Variants in SUGCT observed in about 807,000 individuals in gnomAD.
The protein encoded by SUGCT is succinyl-CoA:glutarate-CoA transferase.
A neutral mutation model predicts 55.0 loss-of-function variants in SUGCT; 41 were observed. The ratio of observed to expected loss-of-function variants is 0.74; its 90% CI spans 0.58 to 0.97. The LOEUF (loss-of-function observed/expected upper bound fraction) is 0.97, where lower values mean the gene tolerates loss of function less well. SUGCT is among the 50% of genes least tolerant of loss of function. SUGCT has a pLI of 0.00. For missense variants in SUGCT, 568 were observed against 547.8 expected, an observed-to-expected ratio of 1.04 and a Z score of -0.37; for synonymous variants, 187 against 200.4, an observed-to-expected ratio of 0.93 and a Z score of 0.56.
intron 9 of SUGCT, among the ~76,000 whole-genome samples, chr7:40,365,107 T>C (rs998064699): frequency 3.9e-5 from 6 of 152,144 alleles, no homozygotes; most frequent in Admixed American, 3.9e-4. Context: ...GCTGGTTCAG[T>C]ATATGCAAAT....
intron 12 of SUGCT, among the ~76,000 whole-genome samples, chr7:40,638,789 G>T (rs996959476): frequency 1.3e-5 from 2 of 152,112 alleles, no homozygotes; most frequent in African/African-American, 2.4e-5. Flanking sequence ...GGATAAACAG[G>T]TCATGACTGG....
intron 12 of SUGCT, among the ~76,000 whole-genome samples, chr7:40,731,443 A>T (rs980567840): frequency 6.6e-6 from 1 of 152,172 alleles, no homozygotes; most frequent in Non-Finnish European, 1.5e-5. Context: ...AGGTTTTGGA[A>T]TATTCTTATT....
At chr7:40,269,812 T>C (rs1791884257) in intron 7 of SUGCT, among the ~76,000 whole-genome samples, 1 of 152,184 alleles carries the variant, frequency 6.6e-6, no homozygotes, top group African/African-American at 2.4e-5. Context: ...TTAGGTCATT[T>C]TTCTTGTTAT....
intron 12 of SUGCT, among the ~76,000 whole-genome samples, chr7:40,732,765 A>G (rs1786961997): frequency 6.6e-6 from 1 of 152,276 alleles, no homozygotes; most frequent in African/African-American, 2.4e-5. Context: ...GTGACTATCC[A>G]TGCTGAAACA....
At chr7:41,016,353 A>C in the SUGCT span, among the ~76,000 whole-genome samples, 2 of 152,212 alleles carry the variant, frequency 1.3e-5, no homozygotes, top group Non-Finnish European at 2.9e-5. Context: ...GAAATGTATT[A>C]TTTTGTATTG....
At chr7:40,906,849 A>T in the SUGCT span, among the ~76,000 whole-genome samples, 1 of 152,162 alleles carries the variant, frequency 6.6e-6, no homozygotes, top group South Asian at 2.1e-4. Context: ...CTGCATAGGA[A>T]ATAGATGGGA....
intron 8 of SUGCT, among the ~76,000 whole-genome samples, chr7:40,304,600 C>T (rs1208228127): frequency 6.6e-6 from 1 of 151,368 alleles, no homozygotes; most frequent in Non-Finnish European, 1.5e-5. Context: ...CCACCCTTTC[C>T]TGCAAGTCCC....
At chr7:40,711,149 C>T (rs1274567548) in intron 12 of SUGCT, among the ~76,000 whole-genome samples, 1 of 152,214 alleles carries the variant, frequency 6.6e-6, no homozygotes, top group Admixed American at 6.5e-5. Flanking sequence ...GGAGAAGTGA[C>T]CACTGCGCTG....
intron 8 of SUGCT, among the ~76,000 whole-genome samples, chr7:40,282,269 A>T (rs903949127): frequency 5.3e-5 from 8 of 151,966 alleles, no homozygotes; most frequent in Admixed American, 3.3e-4. Flanking sequence ...GAAGTTTGAG[A>T]CCAGCCTGGC....
chr7:40,392,320 C>T (rs1785481527), intron 9 of SUGCT, among the ~76,000 whole-genome samples: 1 of 151,866 alleles, frequency 6.6e-6, no homozygotes, highest in Non-Finnish European at 1.5e-5. Context: ...AGTCATAATA[C>T]AAATTAGATA....
Position 40,195,034 on chromosome 7 carries a change from C to T in SUGCT, c.458C>T (p.Pro153Leu). ...TATGAAGATATAGACGAGATTGCTC[C>T]TCACATCATCTATTGTTCCATCACA... ...LGYEDIDEIA[P>L]HIIYCSITGY... is the part of the protein sequence containing the mutation. Residue 153 changes from proline (P) to leucine (L), a missense_variant, in exon 6 of 14, where the codon CCT becomes CTT. Coordinates refer to ENST00000335693, the MANE Select transcript of SUGCT (RefSeq NM_001193313.2). The T allele has an allele frequency of 5.0e-6, 8 of 1,613,640 alleles. No homozygotes were observed. The highest frequency in any genetic ancestry group is 6.8e-6 in the Non-Finnish European group (8 of 1,179,742).
At chr7:40,490,175 C>T (rs900593212) in intron 11 of SUGCT, among the ~76,000 whole-genome samples, 3 of 152,136 alleles carry the variant, frequency 2.0e-5, no homozygotes, top group Non-Finnish European at 2.9e-5. Context: ...GGAGGCTGTT[C>T]GTGGGTTCAA....
chr7:41,023,952 G>A, the SUGCT span, among the ~76,000 whole-genome samples: 2 of 152,106 alleles, frequency 1.3e-5, no homozygotes, highest in African/African-American at 4.8e-5. Context: ...AAATACAAAG[G>A]TGAACTTCCC....
intron 13 of SUGCT, among the ~76,000 whole-genome samples, chr7:40,751,718 T>G (rs1035345325): frequency 6.6e-6 from 1 of 152,160 alleles, no homozygotes; most frequent in African/African-American, 2.4e-5. Flanking sequence ...GAACCAGTGA[T>G]CACTTAACCC....
At chr7:40,533,532 A>G (rs1427411097) in intron 12 of SUGCT, among the ~76,000 whole-genome samples, 1 of 152,112 alleles carries the variant, frequency 6.6e-6, no homozygotes, top group East Asian at 1.9e-4. Context: ...ATTGCAAAGA[A>G]ATTTTGAAAT....
the SUGCT span, among the ~76,000 whole-genome samples, chr7:40,880,648 A>C: frequency 1.3e-5 from 2 of 152,188 alleles, no homozygotes; most frequent in Admixed American, 6.5e-5. Context: ...ACTGAGTAAA[A>C]TTTCATTGGA....
At chr7:40,285,477 G>T (rs1793268567) in intron 8 of SUGCT, among the ~76,000 whole-genome samples, 2 of 120,264 alleles carry the variant, frequency 1.7e-5, no homozygotes, top group African/African-American at 3.6e-5. Flanking sequence ...ATTTATTCTT[G>T]TTTTTTTCTT....
chr7:40,710,127 A>C (rs962818487), intron 12 of SUGCT, among the ~76,000 whole-genome samples: 1 of 152,204 alleles, frequency 6.6e-6, no homozygotes, highest in African/African-American at 2.4e-5. Context: ...GAATTCCTAG[A>C]TATTGCTCCT....
intron 13 of SUGCT, among the ~76,000 whole-genome samples, chr7:40,781,279 G>T (rs1789731696): frequency 6.6e-6 from 1 of 152,050 alleles, no homozygotes; most frequent in South Asian, 2.1e-4. Flanking sequence ...CATTCCCTTG[G>T]AATTAAAAGG....
Sources: allele counts gnomAD v4.1 joint callset (sites outside exome capture counted in the v4.1 genomes callset), GRCh38; gene constraint gnomAD v4.1.1; transcripts MANE v1.5; gene names NCBI Gene and HGNC (gene_info 2026-07-23, HGNC 2026-07-21).